The following RAB3B variants were observed in gnomAD, a reference collection of about 807,000 sequenced individuals.
RAB3B encodes the protein RAB3B, member RAS oncogene family, also known as ras-related protein Rab-3B.
RAB3B carries 11 observed loss-of-function variants against 20.5 expected under a neutral mutation model. That is an observed-to-expected ratio of 0.54 (90% CI 0.34 to 0.89). The LOEUF (loss-of-function observed/expected upper bound fraction) is 0.89. Ranked by LOEUF, RAB3B falls within the 40% of genes least tolerant of loss-of-function variation. RAB3B has a pLI of 0.02. For missense variants in RAB3B, 225 were observed against 280.9 expected (o/e 0.80, Z 1.42); for synonymous variants, 99 against 106.3 (o/e 0.93, Z 0.42).
At chr1:51,929,849 T>C (rs1373271460) in intron 4 of RAB3B, among the ~76,000 whole-genome samples, 1 of 152,230 alleles carries the variant, frequency 6.6e-6, no homozygotes, top group Non-Finnish European at 1.5e-5. Flanking sequence ...CAGCTGTTTG[T>C]TCATCATTCA....
At chr1:51,935,191 T>C (rs543430976) in intron 3 of RAB3B, among the ~76,000 whole-genome samples, 1 of 152,352 alleles carries the variant, frequency 6.6e-6, no homozygotes, top group South Asian at 2.1e-4. Context: ...ACCCTGACAC[T>C]GACAACCTAA....
intron 2 of RAB3B, among the ~76,000 whole-genome samples, chr1:51,952,113 T>C (rs1046602562): frequency 6.6e-6 from 1 of 152,200 alleles, no homozygotes; most frequent in African/African-American, 2.4e-5. Flanking sequence ...AAAGCCCTTA[T>C]GAGAGTAATT....
chr1:51,914,207 C>T lies in RAB3B; in HGVS notation c.*5720G>A, dbSNP rs908215276. The T allele has an allele frequency of 1.3e-5, 2 of 152,202 alleles. No individual in the cohort carries two copies. The highest frequency in any genetic ancestry group is 6.5e-5 in the Admixed American group (1 of 15,272). The allele number at this position is 152,202 out of a possible 1,614,324, so 9.4% of individuals were successfully genotyped here. ...TTCACAGGTAGAGATATTCTTTCTCCTATCCTCAGTCTTCTTGGGGCATTT... is the reference window on the plus strand; with the variant it reads ...TTCACAGGTAGAGATATTCTTTCTCTTATCCTCAGTCTTCTTGGGGCATTT... On this transcript the variant is annotated 3_prime_UTR_variant, in exon 5 of 5. Coordinates refer to ENST00000371655, the MANE Select transcript of RAB3B (RefSeq NM_002867.4).
chr1:51,980,918 TTTTA>T (rs1685079008), intron 1 of RAB3B: 3 of 460,538 alleles, frequency 6.5e-6, no homozygotes, highest in South Asian at 3.3e-5. Flanking sequence ...TAATACTATG[TTTTA>T]TTTGTTAATT....
At chr1:51,972,193 T>C (rs1684946422) in intron 2 of RAB3B, among the ~76,000 whole-genome samples, 1 of 152,168 alleles carries the variant, frequency 6.6e-6, no homozygotes, top group Non-Finnish European at 1.5e-5. Context: ...AAAAGCAGTG[T>C]GCAATTTAAA....
intron 2 of RAB3B, among the ~76,000 whole-genome samples, chr1:51,964,500 A>G (rs1684821772): frequency 6.6e-6 from 1 of 152,182 alleles, no homozygotes; most frequent in South Asian, 2.1e-4. Flanking sequence ...TTGCTAACAT[A>G]TACATGCAGA....
At chr1:51,920,916 A>G (rs950117260) in intron 4 of RAB3B, among the ~76,000 whole-genome samples, 2 of 152,098 alleles carry the variant, frequency 1.3e-5, no homozygotes, top group African/African-American at 2.4e-5. Context: ...AAACGATCCA[A>G]TAGATCTCAC....
intron 4 of RAB3B, among the ~76,000 whole-genome samples, chr1:51,926,682 GA>G (rs1197854379): frequency 6.6e-6 from 1 of 152,220 alleles, no homozygotes. Context: ...GAAATGTGAA[GA>G]GAAACTATGA....
chr1:51,949,347 G>A (rs1684604635), intron 2 of RAB3B, among the ~76,000 whole-genome samples: 1 of 152,162 alleles, frequency 6.6e-6, no homozygotes, highest in South Asian at 2.1e-4. Context: ...CCCTTTAAAT[G>A]TTTGCCATTA....
rs570215652 is a variant in RAB3B at position 51,908,077 on chromosome 1, T to C, written c.*11850A>G. 1.3e-5 allele frequency: 2 copies of C among 152,282 alleles called. No individual in the cohort carries two copies. Among genetic ancestry groups the C allele is most frequent in the Non-Finnish European group, 2.9e-5 (2 of 68,024 alleles). 9.4% of individuals were successfully genotyped at this position (152,282 alleles called of 1,614,324 possible). A position where few individuals can be genotyped will look rare whatever the true frequency, so the allele number is the denominator to read the frequency against. On this transcript the variant is annotated 3_prime_UTR_variant, in exon 5 of 5. Coordinates refer to ENST00000371655, the MANE Select transcript of RAB3B (RefSeq NM_002867.4). ...ATCAACACAGAACAAGGAAACACCA[T>C]AGATATTTGTAAATGAGATCTTCTC...
chr1:51,938,208 T>C (rs558510484), intron 2 of RAB3B, among the ~76,000 whole-genome samples: 13 of 151,962 alleles, frequency 8.6e-5, no homozygotes, highest in Non-Finnish European at 1.9e-4. Context: ...AAGCATGCAG[T>C]GAAATATACA....
At chr1:51,970,265 C>T (rs1684910778) in intron 2 of RAB3B, among the ~76,000 whole-genome samples, 1 of 152,058 alleles carries the variant, frequency 6.6e-6, no homozygotes, top group African/African-American at 2.4e-5. Context: ...CACAAGGTCT[C>T]CAGGGGTTGC....
At position 51,912,601 on chromosome 1, in the gene RAB3B, A is replaced by ATATATATAT. The variant is rs1557958113; in HGVS notation, c.*7325_*7326insATATATATA. On this transcript the variant is annotated 3_prime_UTR_variant, in exon 5 of 5. Coordinates refer to ENST00000371655, the MANE Select transcript of RAB3B (RefSeq NM_002867.4). ...TATATATATATATATATATATATAT[A>ATATATATAT]AAAAATGTTACTCCTGTGAGACAGA... 9.3e-4 allele frequency: 25 copies of ATATATATAT among 26,874 alleles called. 2 individuals carry two copies. Among genetic ancestry groups the ATATATATAT allele is most frequent in the South Asian group, 1.6e-3 (1 of 616 alleles). 1.7% of individuals were successfully genotyped at this position (26,874 alleles called of 1,614,324 possible).
chr1:51,986,061 C>T (rs1281858418), intron 1 of RAB3B, among the ~76,000 whole-genome samples: 1 of 151,906 alleles, frequency 6.6e-6, no homozygotes, highest in Non-Finnish European at 1.5e-5. Context: ...AATCCCAACA[C>T]TTTGGGATGC....
intron 2 of RAB3B, among the ~76,000 whole-genome samples, chr1:51,963,306 C>G (rs1684807078): frequency 6.6e-6 from 1 of 152,162 alleles, no homozygotes; most frequent in African/African-American, 2.4e-5. Flanking sequence ...TCCTTCATCC[C>G]TTGTGTTGTT....
intron 2 of RAB3B, among the ~76,000 whole-genome samples, chr1:51,952,884 G>A (rs544651292): frequency 5.9e-5 from 9 of 151,928 alleles, no homozygotes; most frequent in African/African-American, 4.8e-5. Context: ...CAGCTCTGCC[G>A]GTTCCTGCTG....
At chr1:51,967,377 T>G (rs983812620) in intron 2 of RAB3B, among the ~76,000 whole-genome samples, 1 of 151,910 alleles carries the variant, frequency 6.6e-6, no homozygotes, top group Non-Finnish European at 1.5e-5. Flanking sequence ...TGCTCTAAAT[T>G]CACAGGCTTG....
chr1:51,943,611 T>C (rs559618821), intron 2 of RAB3B, among the ~76,000 whole-genome samples: 81 of 152,186 alleles, frequency 5.3e-4, no homozygotes, highest in African/African-American at 1.9e-3. Context: ...TTGAAGGAAA[T>C]TAAGAGTGCT....
At chr1:51,963,787 G>C (rs1487405748) in intron 2 of RAB3B, among the ~76,000 whole-genome samples, 1 of 151,904 alleles carries the variant, frequency 6.6e-6, no homozygotes, top group Non-Finnish European at 1.5e-5. Flanking sequence ...TTCTCCCCTG[G>C]GAATGTAGGT....
Sources: gnomAD v4.1 joint callset for allele counts (sites outside exome capture counted in the v4.1 genomes callset) on GRCh38, gnomAD v4.1.1 for gene constraint, MANE v1.5 for transcripts, NCBI Gene and HGNC (gene_info 2026-07-23, HGNC 2026-07-21) for gene names.